Variants in SLC30A8 observed in about 807,000 individuals in gnomAD.
SLC30A8 encodes proton-coupled zinc antiporter SLC30A8.
Under a neutral mutation model 36.9 loss-of-function variants are expected in SLC30A8, and 27 were observed. The observed-to-expected ratio is 0.73, with a 90% CI of 0.54 to 1.01. The LOEUF (loss-of-function observed/expected upper bound fraction) is 1.01, where lower values mean the gene tolerates loss of function less well. Ranked by LOEUF, SLC30A8 falls within the 50% of genes least tolerant of loss-of-function variation. The pLI, the probability that SLC30A8 is intolerant of heterozygous loss-of-function variation, is 0.00. For synonymous variants in SLC30A8, 164 were observed against 172.4 expected (o/e 0.95, Z 0.38); for missense variants, 439 against 452.0 (o/e 0.97, Z 0.26).
intron 1 of SLC30A8, among the ~76,000 whole-genome samples, chr8:117,034,817 A>G (rs1404540544): frequency 6.6e-6 from 1 of 152,196 alleles, no homozygotes; most frequent in Non-Finnish European, 1.5e-5. Context: ...ACTCACAATC[A>G]TGGCAGAAGG....
At chr8:117,144,364 T>C (rs1289923115) in intron 1 of SLC30A8, among the ~76,000 whole-genome samples, 1 of 152,208 alleles carries the variant, frequency 6.6e-6, no homozygotes, top group Non-Finnish European at 1.5e-5. Flanking sequence ...AAAACCAATG[T>C]TGTAAATTGG....
intron 3 of SLC30A8, among the ~76,000 whole-genome samples, chr8:117,155,890 C>T (rs919371327): frequency 6.6e-6 from 1 of 152,078 alleles, no homozygotes; most frequent in Admixed American, 6.6e-5. Context: ...GGCATTTTCC[C>T]AATTTGCATG....
intron 2 of SLC30A8, among the ~76,000 whole-genome samples, chr8:117,067,663 T>A (rs1818210381): frequency 6.6e-6 from 1 of 152,222 alleles, no homozygotes; most frequent in Admixed American, 6.5e-5. Flanking sequence ...CATATTCTGA[T>A]GAAGCTGTTC....
chr8:117,048,850 G>A (rs1009140370), intron 2 of SLC30A8, among the ~76,000 whole-genome samples: 4 of 152,066 alleles, frequency 2.6e-5, no homozygotes, highest in Non-Finnish European at 5.9e-5. Flanking sequence ...CAACATTCCC[G>A]ATTGGATTAA....
At chr8:117,037,449 A>G (rs1261313245) in intron 1 of SLC30A8, among the ~76,000 whole-genome samples, 6 of 152,300 alleles carry the variant, frequency 3.9e-5, no homozygotes, top group Non-Finnish European at 5.9e-5. Context: ...AATGGAGAGG[A>G]AGGGTAGGTA....
At chr8:117,022,884 A>C (rs2130726210) in intron 1 of SLC30A8, among the ~76,000 whole-genome samples, 1 of 152,304 alleles carries the variant, frequency 6.6e-6, no homozygotes, top group Non-Finnish European at 1.5e-5. Context: ...AATGGGATCT[A>C]ATTAAACTAA....
At chr8:117,057,086 A>G (rs1198976413) in intron 2 of SLC30A8, among the ~76,000 whole-genome samples, 1 of 152,202 alleles carries the variant, frequency 6.6e-6, no homozygotes, top group Non-Finnish European at 1.5e-5. Context: ...TAACTGTCAC[A>G]GTTCTGGAGG....
intron 2 of SLC30A8, among the ~76,000 whole-genome samples, chr8:117,052,258 G>A (rs900370785): frequency 1.3e-5 from 2 of 152,144 alleles, no homozygotes; most frequent in African/African-American, 2.4e-5. Flanking sequence ...TTATCCACCT[G>A]CCTTGGCCTC....
rs920034771 is a variant in SLC30A8, at chr8:117,176,499, G to A, written c.*3818G>A. Reference sequence around the variant, plus strand: ...TCATCTCTGAATACACACATCCCAAGCTTTACAAATCCTGCCTGGCTTGAC... The same window carrying A: ...TCATCTCTGAATACACACATCCCAAACTTTACAAATCCTGCCTGGCTTGAC... On this transcript the variant is annotated 3_prime_UTR_variant, in exon 8 of 8. Coordinates refer to ENST00000456015, the MANE Select transcript of SLC30A8 (RefSeq NM_173851.3). 6.6e-6 allele frequency: 1 copy of A among 152,384 alleles called. No individual in the cohort carries two copies. Among genetic ancestry groups the A allele is most frequent in the Non-Finnish European group, 1.5e-5 (1 of 67,968 alleles). 9.4% of individuals were successfully genotyped at this position (152,384 alleles called of 1,614,324 possible). A position where few individuals can be genotyped will look rare whatever the true frequency, so the allele number is the denominator to read the frequency against.
chr8:117,154,682 G>A (rs1313162223), intron 3 of SLC30A8, among the ~76,000 whole-genome samples: 3 of 152,174 alleles, frequency 2.0e-5, no homozygotes, highest in Non-Finnish European at 4.4e-5. Context: ...CGCTACACTT[G>A]GAAAACATGG....
chr8:117,153,461 C>T (rs1342442889), intron 3 of SLC30A8, among the ~76,000 whole-genome samples: 1 of 152,010 alleles, frequency 6.6e-6, no homozygotes, highest in Non-Finnish European at 1.5e-5. Flanking sequence ...CACAGAGCAC[C>T]CAAGAGAGTT....
rs549125925 is a variant in SLC30A8 at position 117,173,566 on chromosome 8, A to G, written c.*885A>G. 1 of 152,172 alleles carries G rather than the reference A, an allele frequency of 6.6e-6. No individual in the cohort carries two copies. The highest frequency in any genetic ancestry group is 1.5e-5 in the Non-Finnish European group (1 of 68,018). The allele number at this position is 152,172 out of a possible 1,614,324, so 9.4% of individuals were successfully genotyped here. On this transcript the variant is annotated 3_prime_UTR_variant, in exon 8 of 8. Transcript: ENST00000456015. ...ATGTGAGCACTGCTTTGTGCTAGAC[A>G]TTGGGCTTAGCATTGAAACTATAAA...
chr8:117,066,730 T>C (rs992797659), intron 2 of SLC30A8, among the ~76,000 whole-genome samples: 6 of 152,154 alleles, frequency 3.9e-5, no homozygotes, highest in Non-Finnish European at 7.3e-5. Context: ...CTTTTTTTTT[T>C]CCTTCTCTGG....
At chr8:117,086,680 A>C (rs1818890987) in intron 2 of SLC30A8, among the ~76,000 whole-genome samples, 1 of 152,190 alleles carries the variant, frequency 6.6e-6, no homozygotes, top group African/African-American at 2.4e-5. Context: ...CTATAAAGAC[A>C]GAAACACAAG....
At chr8:116,985,977 A>G (rs966630250) in intron 1 of SLC30A8, among the ~76,000 whole-genome samples, 10 of 152,206 alleles carry the variant, frequency 6.6e-5, no homozygotes, top group African/African-American at 2.2e-4. Flanking sequence ...ACCAACTGGG[A>G]TGAGTCTTTA....
Position 117,174,216 on chromosome 8 carries a change from A to G in SLC30A8, c.*1535A>G, listed in dbSNP as rs909658125. On this transcript the variant is annotated 3_prime_UTR_variant, in exon 8 of 8. Transcript: ENST00000456015. ...TGTTGTCAGACTCTAGCAAGGTACT[A>G]GAAACCTAGCAGGCATTAATAATTG... The G allele has an allele frequency of 2.6e-5, 4 of 152,138 alleles. No homozygotes were observed. Among genetic ancestry groups the G allele is most frequent in the East Asian group, 1.9e-4 (1 of 5,176 alleles). 9.4% of individuals were successfully genotyped at this position (152,138 alleles called of 1,614,324 possible).
rs1345788923 is a variant in SLC30A8, at chr8:117,065,419, A to G, written c.-226+26161A>G. ...GAAAACTTTTTCCCCTTATTTATCA[A>G]AGAAATGAATGAATATGAAATTGTA... On this transcript the variant is annotated intron_variant, in intron 2 of 10. Transcript: ENST00000427715. Among the ~76,000 whole-genome samples the G allele has an allele frequency of 2.0e-5, 3 of 152,190 alleles. No homozygotes were observed. The East Asian group carries it at 5.8e-4, about 29-fold the overall frequency.
At position 117,135,186 on chromosome 8, in the gene SLC30A8, G is replaced by A. The variant is rs1329500030; in HGVS notation, c.-142G>A. 3 of 522,648 alleles carry A rather than the reference G, an allele frequency of 5.7e-6. No individual in the cohort carries two copies. The highest frequency in any genetic ancestry group is 6.9e-6 in the Non-Finnish European group (2 of 291,770). 32.4% of individuals were successfully genotyped at this position (522,648 alleles called of 1,614,324 possible). ...AGACCTACCAACAACACTGATGTAG[G>A]AAGCTCATTATTTTAATTTCTGGAG... On this transcript the variant is annotated 5_prime_UTR_variant, in exon 1 of 8. Coordinates refer to ENST00000456015, the MANE Select transcript of SLC30A8 (RefSeq NM_173851.3).
intron 1 of SLC30A8, among the ~76,000 whole-genome samples, chr8:117,024,667 A>G (rs1365820411): frequency 6.6e-6 from 1 of 152,258 alleles, no homozygotes; most frequent in African/African-American, 2.4e-5. Context: ...CTCAGAGGCC[A>G]GTGAACACAT....
Sources: gnomAD v4.1 joint callset for allele counts (sites outside exome capture counted in the v4.1 genomes callset) on GRCh38, gnomAD v4.1.1 for gene constraint, MANE v1.5 for transcripts, NCBI Gene and HGNC (gene_info 2026-07-23, HGNC 2026-07-21) for gene names.